PSD3: variants seen among roughly 807,000 people sequenced by gnomAD.
PSD3 encodes the protein PH and SEC7 domain-containing protein 3.
A neutral mutation model predicts 105.5 loss-of-function variants in PSD3; 49 were observed. That is an observed-to-expected ratio of 0.46 (90% CI 0.37 to 0.59). The LOEUF (loss-of-function observed/expected upper bound fraction) is 0.59, where lower values mean the gene tolerates loss of function less well. Ranked by LOEUF, PSD3 falls within the 20% of genes least tolerant of loss-of-function variation. The pLI is 0.00. For synonymous variants in PSD3, 557 were observed against 457.8 expected, an observed-to-expected ratio of 1.22 and a Z score of -2.77; for missense variants, 1,561 against 1,263.8, an observed-to-expected ratio of 1.24 and a Z score of -3.57.
At chr8:18,669,671 A>C (rs1430749182) in intron 9 of PSD3, among the ~76,000 whole-genome samples, 1 of 152,216 alleles carries the variant, frequency 6.6e-6, no homozygotes, top group African/African-American at 2.4e-5. Context: ...ATGAGATTTA[A>C]AACTTATGAA....
rs115604084 is a variant in PSD3, at chr8:18,634,897, T to G, written c.2217-2091A>C. Reference sequence around the variant, plus strand: ...TACTATTTAACTTTGTAAGTGTTTTTGGGGAGATATCTTGTAACTATGCAA... The same window carrying G: ...TACTATTTAACTTTGTAAGTGTTTTGGGGGAGATATCTTGTAACTATGCAA... On this transcript the variant is annotated intron_variant, in intron 10 of 15. Coordinates refer to ENST00000327040, the MANE Select transcript of PSD3 (RefSeq NM_015310.4). 5.5e-3 allele frequency among the ~76,000 whole-genome samples: 840 copies of G among 152,258 alleles called. 7 individuals are homozygous for G. The highest frequency in any genetic ancestry group is 0.019 in the African/African-American group (771 of 41,544).
intron 11 of PSD3, among the ~76,000 whole-genome samples, chr8:18,601,580 G>T (rs1804443519): frequency 6.6e-6 from 1 of 152,098 alleles, no homozygotes; most frequent in Non-Finnish European, 1.5e-5. Context: ...TATCCACCTG[G>T]CAAGAAAGGA....
chr8:18,812,752 G>A lies in PSD3; in HGVS notation c.1635-7854C>T, dbSNP rs140890991. 2.0e-3 allele frequency among the ~76,000 whole-genome samples: 303 copies of A among 152,318 alleles called. 8 individuals carry two copies. The highest frequency in any genetic ancestry group is 0.018 in the Admixed American group (283 of 15,300). ...CTATCCAAGTAGGATGTGAGGACAC[G>A]TGGAGATTTCAGGAAAGACACGTGC... On this transcript the variant is annotated intron_variant, in intron 4 of 15. Transcript: ENST00000327040.
chr8:18,948,859 A>C (rs1283881283), intron 1 of PSD3, among the ~76,000 whole-genome samples: 1 of 126,058 alleles, frequency 7.9e-6, no homozygotes, highest in East Asian at 2.3e-4. Context: ...TAAGGTGGGA[A>C]TCATGAGAAG....
rs750838375 is a variant in PSD3 at position 18,871,819 on chromosome 8, C to G, written c.1045G>C (p.Gly349Arg). 1.9e-6 allele frequency: 3 copies of G among 1,614,158 alleles called. No individual in the cohort carries two copies. Among genetic ancestry groups the G allele is most frequent in the Admixed American group, 1.7e-5 (1 of 60,032 alleles). ...GTTAAACTACTTGAATTACACAAAC[C>G]AGCTGATGAGATGAGATGGCGTGGC... ...KVPRHLISSAGLCNSSSLTEN... is the reference protein window; with the variant it reads ...KVPRHLISSARLCNSSSLTEN... The change falls in exon 3 of 16, where the codon GGT becomes CGT. Residue 349 changes from glycine to arginine, a missense_variant. Transcript: ENST00000327040.
intron 9 of PSD3, among the ~76,000 whole-genome samples, chr8:18,711,659 A>C (rs1290430398): frequency 2.0e-5 from 3 of 152,234 alleles, no homozygotes; most frequent in Non-Finnish European, 2.9e-5. Flanking sequence ...AAAGAGACTT[A>C]GACTCCCACA....
intron 8 of PSD3, among the ~76,000 whole-genome samples, chr8:18,768,572 G>A (rs1178748588): frequency 5.3e-5 from 8 of 152,170 alleles, no homozygotes; most frequent in Admixed American, 3.3e-4. Flanking sequence ...ATTCCAGCTC[G>A]GGTAACAGAG....
chr8:18,892,383 C>A (rs897538145), intron 2 of PSD3, among the ~76,000 whole-genome samples: 4 of 151,000 alleles, frequency 2.6e-5, no homozygotes, highest in African/African-American at 9.7e-5. Context: ...GCCACCACAC[C>A]CAGCTAATTT....
intron 12 of PSD3, among the ~76,000 whole-genome samples, chr8:18,591,049 T>C (rs756859846): frequency 6.6e-6 from 1 of 152,064 alleles, no homozygotes; most frequent in Non-Finnish European, 1.5e-5. Context: ...AATAAAAATA[T>C]TGAGTAATCA....
chr8:18,793,605 G>T lies in PSD3; in HGVS notation c.2082+5690C>A, dbSNP rs76406377. Among the ~76,000 whole-genome samples, 713 of 152,294 alleles carry T rather than the reference G, an allele frequency of 4.7e-3. 7 individuals carry two copies. The highest frequency in any genetic ancestry group is 0.017 in the African/African-American group (690 of 41,576). ...GACTCCAAAGGAGAAGGCAGTGCTA[G>T]CACAGTAGAAATTATGACCATGGAT... On this transcript the variant is annotated intron_variant, in intron 8 of 15. Coordinates refer to ENST00000327040, the MANE Select transcript of PSD3 (RefSeq NM_015310.4).
intron 8 of PSD3, among the ~76,000 whole-genome samples, chr8:18,792,374 T>C (rs1809804123): frequency 1.3e-5 from 2 of 152,174 alleles, no homozygotes; most frequent in Non-Finnish European, 2.9e-5. Flanking sequence ...TGGAATGCCA[T>C]GCAGCCACAA....
At chr8:18,691,711 A>C (rs531366522) in intron 9 of PSD3, among the ~76,000 whole-genome samples, 39 of 152,222 alleles carry the variant, frequency 2.6e-4, no homozygotes, top group Non-Finnish European at 5.1e-4. Context: ...ATTATCTCTA[A>C]CATCTAGTGT....
rs554436005 is a variant in PSD3 at position 18,667,186 on chromosome 8, G to T, written c.2173-11501C>A. Among the ~76,000 whole-genome samples the T allele has an allele frequency of 5.3e-5, 8 of 152,268 alleles. No individual in the cohort carries two copies. In the South Asian group the frequency reaches 1.2e-3, roughly 24 times the overall value. ...TATCTGGCCCCACCCACATCCTGCT[G>T]ATTGGTCCATTTTACAGAGAGCCGA... On this transcript the variant is annotated intron_variant, in intron 9 of 15. Transcript: ENST00000327040.
intron 1 of PSD3, among the ~76,000 whole-genome samples, chr8:18,949,258 TA>T (rs1823085049): frequency 1.0e-5 from 1 of 96,254 alleles, no homozygotes; most frequent in African/African-American, 3.7e-5. Flanking sequence ...TATATATATA[TA>T]TATATATATA....
At chr8:18,833,529 T>C (rs1444765421) in intron 4 of PSD3, among the ~76,000 whole-genome samples, 2 of 152,230 alleles carry the variant, frequency 1.3e-5, no homozygotes, top group South Asian at 2.1e-4. Context: ...GAAAGACTGA[T>C]AAATGAGTGA....
chr8:18,755,487 A>ATAACATAAG (rs1396646575), intron 9 of PSD3, among the ~76,000 whole-genome samples: 2,613 of 80,802 alleles, frequency 0.032, 30 homozygotes, highest in Non-Finnish European at 0.042. Flanking sequence ...CATAACATAA[A>ATAACATAAG]AATGCTCCAA....
chr8:18,957,114 C>A (rs181788486), intron 1 of PSD3, among the ~76,000 whole-genome samples: 2 of 152,002 alleles, frequency 1.3e-5, no homozygotes, highest in South Asian at 2.1e-4. Flanking sequence ...GCTTTCACCT[C>A]TAATTCCAAC....
At chr8:18,791,489 TA>T (rs1477767639) in intron 8 of PSD3, among the ~76,000 whole-genome samples, 1 of 152,180 alleles carries the variant, frequency 6.6e-6, no homozygotes, top group Non-Finnish European at 1.5e-5. Flanking sequence ...AAGGATTCCT[TA>T]TTTAATACAT....
intron 8 of PSD3, among the ~76,000 whole-genome samples, chr8:18,779,220 G>A (rs1359177872): frequency 1.3e-5 from 2 of 152,070 alleles, no homozygotes; most frequent in Admixed American, 6.5e-5. Flanking sequence ...GTTTCCCGTA[G>A]GTTCCAATTT....
Sources: gnomAD v4.1 joint callset for allele counts (sites outside exome capture counted in the v4.1 genomes callset) on GRCh38, gnomAD v4.1.1 for gene constraint, MANE v1.5 for transcripts, NCBI Gene and HGNC (gene_info 2026-07-23, HGNC 2026-07-21) for gene names.